TG: variants seen among roughly 807,000 people sequenced by gnomAD.
TG encodes thyroglobulin.
Under a neutral mutation model 324.7 loss-of-function variants are expected in TG, and 270 were observed. The observed-to-expected ratio is 0.83, with a 90% CI of 0.75 to 0.92. TG has a LOEUF of 0.92. TG is among the 40% of genes least tolerant of loss of function. The pLI is 0.00. For missense variants in TG, 3,591 were observed against 3,456.4 expected, an observed-to-expected ratio of 1.04 and a Z score of -0.98; for synonymous variants, 1,401 against 1,327.0, an observed-to-expected ratio of 1.06 and a Z score of -1.21.
chr8:132,882,055 A>T, intron 6 of TG, 86 bp downstream of exon 6: 1 of 989,570 alleles, frequency 1.0e-6, no homozygotes, highest in Non-Finnish European at 1.6e-6. Flanking sequence ...TGTAAAGCAC[A>T]GCTAGAGTGA....
intron 35 of TG, among the ~76,000 whole-genome samples, chr8:133,007,095 G>A (rs186012376): frequency 6.6e-6 from 1 of 152,246 alleles, no homozygotes; most frequent in Admixed American, 6.5e-5. Flanking sequence ...AGTTTGGGAT[G>A]ATTTATTTTT....
chr8:132,893,569 T>TGTGTGTGTGTG, intron 10 of TG, 121 bp from the exon 11 acceptor site: 1 of 1,148,106 alleles, frequency 8.7e-7, no homozygotes. Flanking sequence ...ATGTGTGTGG[T>TGTGTGTGTGTG]GTGTGTGTGT....
chr8:133,070,095 C>T (rs573272674), intron 41 of TG, among the ~76,000 whole-genome samples: 22 of 151,284 alleles, frequency 1.5e-4, no homozygotes, highest in African/African-American at 4.6e-4. Context: ...TAGGAGACCG[C>T]GGATTTGTGG....
At chr8:132,980,770 T>A (rs1193337201) in intron 34 of TG, among the ~76,000 whole-genome samples, 1 of 152,120 alleles carries the variant, frequency 6.6e-6, no homozygotes, top group Non-Finnish European at 1.5e-5. Flanking sequence ...GGTTGAAGAA[T>A]TGGTTGGTGT....
chr8:133,029,518 G>A (rs1836420346), intron 40 of TG, among the ~76,000 whole-genome samples: 1 of 152,190 alleles, frequency 6.6e-6, no homozygotes, highest in African/African-American at 2.4e-5. Flanking sequence ...TAATGACAGG[G>A]AAGCTGTGGC....
At chr8:133,115,415 A>G in intron 44 of TG, among the ~76,000 whole-genome samples, 1 of 152,124 alleles carries the variant, frequency 6.6e-6, no homozygotes, top group Non-Finnish European at 1.5e-5. Flanking sequence ...CTCAGGGTGC[A>G]TGGGGGGAAA....
chr8:133,083,469 C>T (rs1355285876), intron 41 of TG, among the ~76,000 whole-genome samples: 2 of 152,150 alleles, frequency 1.3e-5, no homozygotes, highest in African/African-American at 4.8e-5. Context: ...AAATAGTTTT[C>T]CTAAGAACAC....
Position 132,983,396 on chromosome 8 carries a change from T to C in TG, c.6246T>C (p.Pro2082=). The change falls in exon 35 of 48, where the codon CCT becomes CCC. Residue 2082 remains proline (P), a synonymous_variant. Coordinates refer to ENST00000220616, the MANE Select transcript of TG (RefSeq NM_003235.5). ...APSFCPLVVL[P]SLTEKVSLDS... ...GTTTTTGCCCTTTGGTTGTTCTGCC[T>C]TCCCTCACAGAGAAAGGTAAGTTCA... is the stretch of plus-strand genomic sequence containing the variant. The C allele has an allele frequency of 6.2e-7, 1 of 1,614,150 alleles. No individual in the cohort carries two copies.
intron 35 of TG, chr8:132,983,811 G>C (rs1831199420): frequency 2.9e-6 from 1 of 339,282 alleles, no homozygotes; most frequent in Non-Finnish European, 5.7e-6. Context: ...TAGTGCAAAA[G>C]AGTTGGAGCT....
At chr8:133,104,095 A>G (rs1220161289) in intron 43 of TG, among the ~76,000 whole-genome samples, 1 of 152,114 alleles carries the variant, frequency 6.6e-6, no homozygotes, top group Non-Finnish European at 1.5e-5. Context: ...TGAGGTACAG[A>G]GTGGGTGCAA....
At position 133,097,738 on chromosome 8, in the gene TG, G is replaced by T. The variant is rs182069541; in HGVS notation, c.7572+1365G>T. Among the ~76,000 whole-genome samples, 56 of 152,274 alleles carry T rather than the reference G, an allele frequency of 3.7e-4. 1 individual carries two copies. In the East Asian group the frequency reaches 9.6e-3, roughly 26 times the overall value. ...TCTGGAGATGTAGAGATGTGAGAAAGAATATTATGCATTATTACTATTGCT... is the reference window on the plus strand; with the variant it reads ...TCTGGAGATGTAGAGATGTGAGAAATAATATTATGCATTATTACTATTGCT... On this transcript the variant is annotated intron_variant, in intron 43 of 47. Coordinates refer to ENST00000220616, the MANE Select transcript of TG (RefSeq NM_003235.5).
chr8:132,871,549 G>A lies in TG; in HGVS notation c.476G>A (p.Arg159Gln), dbSNP rs751049019. ...YGTRQLGRPK[R>Q]CPRSCEIRNR... Reference sequence around the variant, plus strand: ...ACCCGCCAGCTGGGGAGGCCAAAGCGATGTGAGTTTCACTGAGCGCCTGCA... The same window carrying A: ...ACCCGCCAGCTGGGGAGGCCAAAGCAATGTGAGTTTCACTGAGCGCCTGCA... The change falls in exon 4 of 48, where the codon CGA (arginine) becomes CAA (glutamine). Residue 159 changes from arginine (R) to glutamine (Q), a missense_variant and splice_region_variant. Physicochemically the swap from Arg to Gln is conservative, Grantham distance 43. Coordinates refer to ENST00000220616, the MANE Select transcript of TG (RefSeq NM_003235.5). The A allele has an allele frequency of 4.2e-5, 67 of 1,613,246 alleles. No homozygotes were observed. Among genetic ancestry groups the A allele is most frequent in the Admixed American group, 1.2e-4 (7 of 59,996 alleles).
chr8:133,058,222 A>C (rs564262202), intron 41 of TG, among the ~76,000 whole-genome samples: 1 of 152,276 alleles, frequency 6.6e-6, no homozygotes, highest in African/African-American at 2.4e-5. Flanking sequence ...CGTTAGGACC[A>C]ATGATCGGGG....
intron 41 of TG, among the ~76,000 whole-genome samples, chr8:133,042,678 C>CT (rs58739514): frequency 0.026 from 1,465 of 56,600 alleles, 355 homozygotes; most frequent in African/African-American, 0.035. Flanking sequence ...CATTCTGTGT[C>CT]TTTTTTTTTT....
intron 41 of TG, among the ~76,000 whole-genome samples, chr8:133,071,094 C>T (rs1228262399): frequency 6.6e-6 from 1 of 152,208 alleles, no homozygotes; most frequent in African/African-American, 2.4e-5. Context: ...GGAGGCCTCC[C>T]TGTGTCCACC....
rs146628226 is a variant in TG at position 133,123,985 on chromosome 8, A to G, written c.7862+7269A>G. Among the ~76,000 whole-genome samples, 767 of 152,370 alleles carry G rather than the reference A, an allele frequency of 5.0e-3. 4 individuals are homozygous for G. Among genetic ancestry groups the G allele is most frequent in the Non-Finnish European group, 8.0e-3 (544 of 68,032 alleles). ...GAGAGTGAACACTGATTAGGTGAGC[A>G]TTACTAATGCTGCTTCGTGTATTAT... On this transcript the variant is annotated intron_variant, in intron 45 of 47. Coordinates refer to ENST00000220616, the MANE Select transcript of TG (RefSeq NM_003235.5).
At chr8:133,116,479 G>A (rs756516871) in intron 44 of TG, 130 bp from the exon 45 acceptor site, 82 of 749,494 alleles carry the variant, frequency 1.1e-4, no homozygotes, top group Non-Finnish European at 1.8e-4. Context: ...TGGGAAGAAG[G>A]TGTTCTTGTA....
chr8:132,877,296 C>G (rs760869750), intron 5 of TG, among the ~76,000 whole-genome samples: 1 of 152,100 alleles, frequency 6.6e-6, no homozygotes, highest in Non-Finnish European at 1.5e-5. Flanking sequence ...TGCGCCACCC[C>G]ACATGGCTAA....
chr8:132,888,190 C>G lies in TG; in HGVS notation c.2383C>G (p.Gln795Glu), dbSNP rs1255359464. Reference protein sequence around the residue: ...YQRWEAQNKGQDLTPAKLLVK... With the variant: ...YQRWEAQNKGEDLTPAKLLVK... ...ACGATGGGAGGCTCAGAACAAGGGCCAGGATCTGACGCCTGCCAAGCTGCT... is the reference window on the plus strand; with the variant it reads ...ACGATGGGAGGCTCAGAACAAGGGCGAGGATCTGACGCCTGCCAAGCTGCT... The change falls in exon 10 of 48, where the codon CAG (glutamine) becomes GAG (glutamate). Residue 795 changes from glutamine to glutamate, a missense_variant. Coordinates refer to ENST00000220616, the MANE Select transcript of TG (RefSeq NM_003235.5). The G allele has an allele frequency of 2.5e-6, 4 of 1,614,072 alleles. No individual in the cohort carries two copies. In the African/African-American group the frequency reaches 5.3e-5, roughly 22 times the overall value.
Sources: allele counts gnomAD v4.1 joint callset (sites outside exome capture counted in the v4.1 genomes callset), GRCh38; gene constraint gnomAD v4.1.1; transcripts MANE v1.5; gene names NCBI Gene and HGNC (gene_info 2026-07-23, HGNC 2026-07-21).